The following MARCHF11 variants were observed in gnomAD, a reference collection of about 807,000 sequenced individuals.
The protein encoded by MARCHF11 is E3 ubiquitin-protein ligase MARCHF11.
MARCHF11 carries 29 observed loss-of-function variants against 37.3 expected under a neutral mutation model. The observed-to-expected ratio is 0.78, with a 90% CI of 0.58 to 1.06. The LOEUF (loss-of-function observed/expected upper bound fraction) is 1.06, where lower values mean the gene tolerates loss of function less well. Among genes scored for constraint, MARCHF11 ranks in the 50% least tolerant of loss-of-function variants. The probability of loss-of-function intolerance (pLI) is 0.00; values close to 1 mark genes in which losing one functional copy is unlikely to be tolerated. For synonymous variants in MARCHF11, 233 were observed against 228.0 expected (o/e 1.02, Z -0.20); for missense variants, 482 against 533.4 (o/e 0.90, Z 0.95).
chr5:16,088,659 GA>G (rs557790301), intron 3 of MARCHF11, among the ~76,000 whole-genome samples: 1 of 151,908 alleles, frequency 6.6e-6, no homozygotes, highest in Admixed American at 6.6e-5. Context: ...ATTTACTGGG[GA>G]AAAAAATTAA....
chr5:16,079,120 C>T (rs1736566098), intron 3 of MARCHF11, among the ~76,000 whole-genome samples: 1 of 152,152 alleles, frequency 6.6e-6, no homozygotes, highest in African/African-American at 2.4e-5. Context: ...GATTCAGGGT[C>T]CATGTGGATG....
rs148209532 is a variant in MARCHF11 at position 16,067,939 on chromosome 5, G to A, written c.887-146C>T. ...AGTATTCTGTTTACTCAAATATTAT[G>A]GCTAATGGCAAGTTACTACCCATAT... On this transcript the variant is annotated intron_variant, in intron 3 of 3. Coordinates refer to ENST00000332432, the MANE Select transcript of MARCHF11 (RefSeq NM_001102562.3). 1.7e-4 allele frequency: 124 copies of A among 735,214 alleles called. No individual in the cohort carries two copies. In the African/African-American group the frequency reaches 1.9e-3, roughly 11 times the overall value. The allele number at this position is 735,214 out of a possible 1,614,324, so 45.5% of individuals were successfully genotyped here.
intron 2 of MARCHF11, among the ~76,000 whole-genome samples, chr5:16,158,407 G>A (rs1400093164): frequency 6.6e-6 from 1 of 151,908 alleles, no homozygotes; most frequent in African/African-American, 2.4e-5. Context: ...AGAAAATGTG[G>A]CATCTATGCA....
intron 2 of MARCHF11, among the ~76,000 whole-genome samples, chr5:16,095,313 G>A (rs1022248903): frequency 1.1e-4 from 16 of 152,124 alleles, no homozygotes; most frequent in African/African-American, 3.9e-4. Context: ...TCAGCGGGGA[G>A]GGCTAAATGT....
At chr5:16,119,655 T>TAAA (rs111317851) in intron 2 of MARCHF11, among the ~76,000 whole-genome samples, 3,818 of 151,274 alleles carry the variant, frequency 0.025, 176 homozygotes, top group African/African-American at 0.088. Context: ...TTAAGATGTT[T>TAAA]AAAAAAAAAT....
At chr5:16,177,238 A>G (rs1738378541) in intron 2 of MARCHF11, among the ~76,000 whole-genome samples, 1 of 152,254 alleles carries the variant, frequency 6.6e-6, no homozygotes, top group African/African-American at 2.4e-5. Context: ...TGATAAAGAA[A>G]GCCTGGTTAA....
chr5:16,090,082 C>T (rs1306197513), intron 3 of MARCHF11, among the ~76,000 whole-genome samples: 1 of 152,106 alleles, frequency 6.6e-6, no homozygotes, highest in Admixed American at 6.5e-5. Context: ...CTGGGTGGAG[C>T]CTGTGCATTT....
chr5:16,137,524 T>C (rs72738278), intron 2 of MARCHF11, among the ~76,000 whole-genome samples: 33,485 of 152,120 alleles, frequency 0.22, 4,031 homozygotes, highest in African/African-American at 0.31. Flanking sequence ...GTATTAAAAT[T>C]GACTAATACA....
intron 1 of MARCHF11, among the ~76,000 whole-genome samples, chr5:16,178,421 C>G (rs1387423091): frequency 6.6e-6 from 1 of 152,194 alleles, no homozygotes; most frequent in Non-Finnish European, 1.5e-5. Flanking sequence ...GCTATCATTT[C>G]CTCTGCATGA....
chr5:16,179,330 C>T lies in MARCHF11; in HGVS notation c.246G>A (p.Leu82=). The T allele has an allele frequency of 3.3e-6, 4 of 1,230,164 alleles. No individual in the cohort carries two copies. In the South Asian group the frequency reaches 8.6e-5, roughly 27 times the overall value. The allele number at this position is 1,230,164 out of a possible 1,614,324, so 76.2% of individuals were successfully genotyped here. ...VAPRCRGADE[L]PPPPLPLQPA... ...GCTGCAGGGGCAGGGGCGGAGGCGG[C>T]AGCTCGTCCGCTCCCCTGCACCGCG... The change falls in exon 1 of 4, where the codon CTG becomes CTA. Residue 82 remains leucine, a synonymous_variant. Transcript: ENST00000332432.
chr5:16,109,216 G>T (rs1737096213), intron 2 of MARCHF11, among the ~76,000 whole-genome samples: 1 of 151,838 alleles, frequency 6.6e-6, no homozygotes, highest in African/African-American at 2.4e-5. Flanking sequence ...AATGTCTTCT[G>T]TACACTAATA....
Position 16,179,618 on chromosome 5 carries a change from C to A in MARCHF11, c.-43G>T. ...CCTCCTGCCGGCCCGGCTGGCGGGC[C>A]GGGCTCTGGCTGCAGGGAAAGAGAG... On this transcript the variant is annotated 5_prime_UTR_variant, in exon 1 of 4. Coordinates refer to ENST00000332432, the MANE Select transcript of MARCHF11 (RefSeq NM_001102562.3). 1 of 997,180 alleles carries A rather than the reference C, an allele frequency of 1.0e-6. No individual in the cohort carries two copies. The highest frequency in any genetic ancestry group is 1.2e-6 in the Non-Finnish European group (1 of 840,780). 61.8% of individuals were successfully genotyped at this position (997,180 alleles called of 1,614,324 possible).
intron 2 of MARCHF11, among the ~76,000 whole-genome samples, chr5:16,146,854 C>G (rs759575242): frequency 1.4e-4 from 21 of 151,182 alleles, no homozygotes; most frequent in Non-Finnish European, 2.9e-4. Flanking sequence ...AAGAACAACT[C>G]TTTTCTTCTA....
intron 2 of MARCHF11, among the ~76,000 whole-genome samples, chr5:16,134,280 T>C (rs569960180): frequency 6.6e-6 from 1 of 152,266 alleles, no homozygotes; most frequent in South Asian, 2.1e-4. Flanking sequence ...AATACAATCA[T>C]GTGGGACGTG....
chr5:16,097,206 C>T (rs1308639539), intron 2 of MARCHF11, among the ~76,000 whole-genome samples: 1 of 152,140 alleles, frequency 6.6e-6, no homozygotes, highest in South Asian at 2.1e-4. Flanking sequence ...ATTTGAAATG[C>T]TGGCAGAAAA....
At chr5:16,160,617 T>C (rs984744223) in intron 2 of MARCHF11, among the ~76,000 whole-genome samples, 1 of 151,626 alleles carries the variant, frequency 6.6e-6, no homozygotes, top group Non-Finnish European at 1.5e-5. Context: ...AATTTAGAAG[T>C]AGTTGTTTCA....
chr5:16,069,943 T>C (rs1027023159), intron 3 of MARCHF11, among the ~76,000 whole-genome samples: 3 of 152,176 alleles, frequency 2.0e-5, no homozygotes, highest in African/African-American at 7.2e-5. Flanking sequence ...TACATGTGAC[T>C]TACAAGCATT....
At chr5:16,084,993 AGTGTGT>A in intron 3 of MARCHF11, among the ~76,000 whole-genome samples, 1 of 150,390 alleles carries the variant, frequency 6.6e-6, no homozygotes, top group African/African-American at 2.4e-5. Context: ...GATCAGAGTG[AGTGTGT>A]GTGTGTGTGT....
chr5:16,083,428 A>T (rs1206548399), intron 3 of MARCHF11, among the ~76,000 whole-genome samples: 1 of 152,214 alleles, frequency 6.6e-6, no homozygotes, highest in East Asian at 1.9e-4. Context: ...AATATTTTAC[A>T]GCTTAAGAAA....
Sources: allele counts gnomAD v4.1 joint callset (sites outside exome capture counted in the v4.1 genomes callset), GRCh38; gene constraint gnomAD v4.1.1; transcripts MANE v1.5; gene names NCBI Gene and HGNC (gene_info 2026-07-23, HGNC 2026-07-21).